FMN1: variants seen among roughly 807,000 people sequenced by gnomAD.
FMN1 encodes the protein formin-1.
FMN1 carries 110 observed loss-of-function variants against 132.4 expected under a neutral mutation model. The observed-to-expected ratio is 0.83, with a 90% CI of 0.71 to 0.97. The LOEUF is 0.97. Ranked by LOEUF, FMN1 falls within the 50% of genes least tolerant of loss-of-function variation. FMN1 has a pLI of 0.00. For synonymous variants in FMN1, 722 were observed against 651.7 expected (o/e 1.11, Z -1.64); for missense variants, 1,792 against 1,705.3 (o/e 1.05, Z -0.90).
chr15:33,051,322 G>A (rs1273304459), intron 6 of FMN1, among the ~76,000 whole-genome samples: 1 of 152,078 alleles, frequency 6.6e-6, no homozygotes, highest in African/African-American at 2.4e-5. Flanking sequence ...AAGAAATGGG[G>A]GCCACATTAA....
intron 12 of FMN1, among the ~76,000 whole-genome samples, chr15:32,904,115 T>C (rs1181108328): frequency 6.6e-6 from 1 of 151,990 alleles, no homozygotes; most frequent in African/African-American, 2.4e-5. Context: ...CTTGATAATC[T>C]GAGAAGTAAA....
In FMN1 at chr15:33,066,535, C is replaced by T. The variant is rs183013008; in HGVS notation, c.2044-1461G>A. On this transcript the variant is annotated intron_variant, in intron 5 of 20. Transcript: ENST00000616417. ...CACTTTTGGAATCAGAGGGGCCATCCGCTGGCTTAGAATTGGACCGTTCAA... is the reference window on the plus strand; with the variant it reads ...CACTTTTGGAATCAGAGGGGCCATCTGCTGGCTTAGAATTGGACCGTTCAA... The T allele has an allele frequency of 4.6e-4, 722 of 1,565,246 alleles. 6 individuals are homozygous for T. The African/African-American group carries it at 7.9e-3, about 17-fold the overall frequency.
At chr15:32,799,650 T>C (rs1276805804) in intron 18 of FMN1, among the ~76,000 whole-genome samples, 1 of 152,186 alleles carries the variant, frequency 6.6e-6, no homozygotes. Context: ...TGATCTCCAG[T>C]CTGGTCAGTA....
chr15:33,125,955 CT>C (rs1308088100), intron 4 of FMN1, among the ~76,000 whole-genome samples: 1 of 151,890 alleles, frequency 6.6e-6, no homozygotes, highest in Non-Finnish European at 1.5e-5. Context: ...CGGTTGAAGG[CT>C]TTTTTGTGCA....
intron 6 of FMN1, chr15:33,062,862 C>T (rs1287198021): frequency 6.6e-6 from 1 of 152,126 alleles, no homozygotes; most frequent in African/African-American, 2.4e-5. Flanking sequence ...AAACAAATCC[C>T]TCACATTAAA....
At chr15:33,109,885 GGA>G (rs2039632622) in intron 4 of FMN1, among the ~76,000 whole-genome samples, 1 of 150,512 alleles carries the variant, frequency 6.6e-6, no homozygotes, top group Admixed American at 6.6e-5. Context: ...CTGTAAATCA[GGA>G]AGTCTAAAAC....
At chr15:32,993,635 T>G (rs1319699496) in intron 7 of FMN1, among the ~76,000 whole-genome samples, 3 of 152,196 alleles carry the variant, frequency 2.0e-5, no homozygotes, top group Non-Finnish European at 2.9e-5. Flanking sequence ...CAAGAATTAT[T>G]TATTGTATAT....
chr15:33,080,434 C>T (rs986634779), intron 5 of FMN1, among the ~76,000 whole-genome samples: 1 of 152,152 alleles, frequency 6.6e-6, no homozygotes, highest in African/African-American at 2.4e-5. Context: ...ACTGCTAGTG[C>T]ATTTAATTAT....
At chr15:33,031,594 A>C (rs565396879) in intron 6 of FMN1, among the ~76,000 whole-genome samples, 1 of 152,184 alleles carries the variant, frequency 6.6e-6, no homozygotes, top group East Asian at 1.9e-4. Flanking sequence ...TCATTTCATG[A>C]AGGCAACTCC....
intron 5 of FMN1, among the ~76,000 whole-genome samples, chr15:33,073,110 G>A (rs75630514): frequency 0.036 from 5,414 of 152,202 alleles, 331 homozygotes; most frequent in African/African-American, 0.12. Flanking sequence ...GACACTGAAA[G>A]AAACTTCTCT....
At chr15:32,827,381 T>G (rs1004232632) in intron 17 of FMN1, among the ~76,000 whole-genome samples, 7 of 152,216 alleles carry the variant, frequency 4.6e-5, no homozygotes, top group African/African-American at 1.7e-4. Flanking sequence ...AATGGATTAT[T>G]ACCTACTATT....
intron 2 of FMN1, among the ~76,000 whole-genome samples, chr15:33,188,715 G>C (rs766676563): frequency 2.6e-5 from 4 of 151,812 alleles, no homozygotes; most frequent in Non-Finnish European, 2.9e-5. Flanking sequence ...TCAAGACCTA[G>C]AAACTGAGTC....
chr15:33,097,051 T>C (rs567466366), intron 4 of FMN1, among the ~76,000 whole-genome samples: 2 of 152,202 alleles, frequency 1.3e-5, no homozygotes, highest in African/African-American at 4.8e-5. Flanking sequence ...CCCAGCACTT[T>C]GGGAGGCCGA....
intron 6 of FMN1, among the ~76,000 whole-genome samples, chr15:33,050,953 T>C (rs1356004515): frequency 1.3e-5 from 2 of 152,218 alleles, no homozygotes; most frequent in Admixed American, 1.3e-4. Flanking sequence ...GCAGCTCATC[T>C]TAGAACAGAT....
At chr15:33,175,216 G>GTTGTTTTTGTTTGT (rs1965475266) in intron 3 of FMN1, among the ~76,000 whole-genome samples, 1 of 152,000 alleles carries the variant, frequency 6.6e-6, no homozygotes. Context: ...TGGTTGGTTG[G>GTTGTTTTTGTTTGT]TTGTTTTTGT....
intron 4 of FMN1, chr15:33,149,817 C>A: frequency 2.0e-6 from 2 of 984,566 alleles, no homozygotes; most frequent in Non-Finnish European, 2.4e-6. Flanking sequence ...TGCATCAAAC[C>A]TTAATATTAA....
At chr15:33,058,579 A>G (rs925708633) in intron 6 of FMN1, among the ~76,000 whole-genome samples, 1 of 152,208 alleles carries the variant, frequency 6.6e-6, no homozygotes, top group Non-Finnish European at 1.5e-5. Flanking sequence ...CTTATGCTTC[A>G]TAGCGTAAAA....
chr15:32,860,311 G>A (rs557604826), intron 16 of FMN1, among the ~76,000 whole-genome samples: 3 of 152,180 alleles, frequency 2.0e-5, no homozygotes, highest in Admixed American at 6.5e-5. Flanking sequence ...AAGAAAAAAG[G>A]TTTCTTCATC....
chr15:33,185,051 C>T (rs1217633879), intron 2 of FMN1, among the ~76,000 whole-genome samples: 1 of 152,134 alleles, frequency 6.6e-6, no homozygotes, highest in African/African-American at 2.4e-5. Flanking sequence ...TCATTAAGTT[C>T]AGGATTTTCA....
Sources: gnomAD v4.1 joint callset for allele counts (sites outside exome capture counted in the v4.1 genomes callset) on GRCh38, gnomAD v4.1.1 for gene constraint, MANE v1.5 for transcripts, NCBI Gene and HGNC (gene_info 2026-07-23, HGNC 2026-07-21) for gene names.